The following RDH13 variants were observed in gnomAD, a reference collection of about 807,000 sequenced individuals.
RDH13 encodes retinol dehydrogenase 13 (all-trans and 9-cis).
RDH13 carries 35 observed loss-of-function variants against 28.3 expected under a neutral mutation model. The ratio of observed to expected loss-of-function variants is 1.24; its 90% CI spans 0.95 to 1.64. The LOEUF (loss-of-function observed/expected upper bound fraction) is 1.64, where lower values mean the gene tolerates loss of function less well. Ranked by LOEUF, RDH13 falls within the 40% of genes most tolerant of loss-of-function variation. The pLI is 0.00. For missense variants in RDH13, 514 were observed against 446.3 expected, an observed-to-expected ratio of 1.15 and a Z score of -1.37; for synonymous variants, 229 against 198.5, an observed-to-expected ratio of 1.15 and a Z score of -1.29.
chr19:55,042,091 A>G (rs1010654019), downstream of RDH13: 1 of 149,716 alleles, frequency 6.7e-6, no homozygotes, highest in Non-Finnish European at 1.5e-5. Context: ...TGCTTTCTGA[A>G]CGCACATCCA....
chr19:55,047,623 C>T (rs1242844198), intron 5 of RDH13, 135 bp from the exon 6 acceptor site: 5 of 1,407,598 alleles, frequency 3.6e-6, no homozygotes, highest in Non-Finnish European at 4.7e-6. Flanking sequence ...CCCTCTTGCT[C>T]TGGAATCTTA....
rs747269971 is a variant in RDH13 at position 55,048,324 on chromosome 19, C to T, written c.658+5G>A. The T allele has an allele frequency of 8.1e-6, 13 of 1,613,914 alleles. No individual in the cohort carries two copies. Among genetic ancestry groups the T allele is most frequent in the South Asian group, 2.2e-5 (2 of 91,086 alleles). ...AGAGGGAGGCCGAGCCTAGCGCCCC[C>T]GTACCTTGCAGCCGCCGGCTCAGCT... On this transcript the variant is annotated splice_donor_5th_base_variant and intron_variant, in intron 5 of 6. Transcript: ENST00000415061.
In RDH13 at chr19:55,047,502, A is replaced by T. The variant is rs2075278538; in HGVS notation, c.659-14T>A. On this transcript the variant is annotated splice_polypyrimidine_tract_variant and intron_variant, in intron 5 of 6. Transcript: ENST00000415061. The stretch of plus-strand genomic sequence containing the variant: ...TCACACCAGAGCCTGGGGAAGAAAG[A>T]AAGAGAAGACTGAGGGAGGGGTCCA... 1 of 1,599,480 alleles carries T rather than the reference A, an allele frequency of 6.3e-7. No individual in the cohort carries two copies. The highest frequency in any genetic ancestry group is 1.7e-5 in the Admixed American group (1 of 59,234).
intron 3 of RDH13, chr19:55,050,754 T>C (rs924403336): frequency 1.3e-5 from 2 of 152,108 alleles, no homozygotes; most frequent in African/African-American, 4.8e-5. Flanking sequence ...AACCTATCCT[T>C]GGGGGTGGAG....
At chr19:55,045,587 C>CA (rs2075196446) in intron 6 of RDH13, among the ~76,000 whole-genome samples, 1 of 152,212 alleles carries the variant, frequency 6.6e-6, no homozygotes, top group Non-Finnish European at 1.5e-5. Flanking sequence ...CCCCAGTCCT[C>CA]ACCCTACCCC....
rs572290524 is a variant in RDH13 at position 55,047,468 on chromosome 19, C to T, written c.679G>A (p.Ala227Thr). ...GTCCTGGCCACGCCGGGGTGCAGGG[C>T]GTTGACAGTCACACCAGAGCCTGGG... Reference protein sequence around the residue: ...RLQGSGVTVNALHPGVARTEL... With the variant: ...RLQGSGVTVNTLHPGVARTEL... The change falls in exon 6 of 7, where the codon GCC becomes ACC. Residue 227 changes from alanine (A) to threonine (T), a missense_variant. Transcript: ENST00000415061. 18 of 1,608,350 alleles carry T rather than the reference C, an allele frequency of 1.1e-5. No individual in the cohort carries two copies. Among genetic ancestry groups the T allele is most frequent in the Admixed American group, 8.3e-5 (5 of 59,904 alleles).
chr19:55,047,612 T>A, intron 5 of RDH13, 124 bp from the exon 6 acceptor site: 1 of 1,420,950 alleles, frequency 7.0e-7, no homozygotes, highest in South Asian at 1.4e-5. Flanking sequence ...AACCCCATCG[T>A]CCCTCTTGCT....
intron 5 of RDH13, among the ~76,000 whole-genome samples, chr19:55,047,811 G>A (rs903655200): frequency 2.0e-5 from 3 of 152,276 alleles, no homozygotes; most frequent in African/African-American, 7.2e-5. Flanking sequence ...TGGCACCGCT[G>A]GTCCACAGAC....
At chr19:55,048,201 C>G in intron 5 of RDH13, 128 bp downstream of exon 5, 2 of 1,542,832 alleles carry the variant, frequency 1.3e-6, no homozygotes, top group Non-Finnish European at 1.7e-6. Flanking sequence ...CAGCGTGGTC[C>G]ACATGCTCTA....
At chr19:55,047,272 G>C (rs568224939) in intron 6 of RDH13, 115 bp downstream of exon 6, 1 of 1,477,252 alleles carries the variant, frequency 6.8e-7, no homozygotes, top group Non-Finnish European at 9.0e-7. Flanking sequence ...AGACGTAGGC[G>C]AGGAGCAGGC....
chr19:55,059,632 A>C (rs911332393), intron 1 of RDH13, among the ~76,000 whole-genome samples: 2 of 152,186 alleles, frequency 1.3e-5, no homozygotes, highest in Non-Finnish European at 2.9e-5. Flanking sequence ...GTTCGAGTCC[A>C]GCCTGGCAAA....
At chr19:55,041,362 T>C (rs1287497177), downstream of RDH13, 1 of 152,274 alleles carries the variant, frequency 6.6e-6, no homozygotes, top group African/African-American at 2.4e-5. Flanking sequence ...GGGGTGCTCC[T>C]GGCATGTGGT....
At position 55,057,260 on chromosome 19, in the gene RDH13, T is replaced by C. The variant is rs371115571; in HGVS notation, c.185-452A>G. 4.9e-4 allele frequency among the ~76,000 whole-genome samples: 74 copies of C among 152,268 alleles called. 1 individual carries two copies. The highest frequency in any genetic ancestry group is 3.4e-3 in the Middle Eastern group (1 of 294). ...GTGGGGAGAGGGAATTACAGCTTGA[T>C]AGTTACAGTGAGCAGGTTTCTTTCT... On this transcript the variant is annotated intron_variant, in intron 2 of 6. Coordinates refer to ENST00000415061, the MANE Select transcript of RDH13 (RefSeq NM_001145971.2).
chr19:55,042,494 G>GA (rs960873982), downstream of RDH13: 15 of 152,306 alleles, frequency 9.8e-5, no homozygotes, highest in Admixed American at 7.2e-4. Flanking sequence ...TTTAAAAAAG[G>GA]AAAGAGTGCC....
At position 55,045,127 on chromosome 19, in the gene RDH13, G is replaced by A. The variant is rs762562862; in HGVS notation, c.943C>T (p.Arg315Cys). ...GAGGGAGCCTCTAAGCCCACCAGGC[G>A]GGCACTTTCAGCCCAAAGCCTCCGG... ...VARRLWAESA[R>C]LVGLEAPSVR... The change falls in exon 7 of 7, where the codon CGC (arginine) becomes TGC (cysteine). Residue 315 changes from arginine to cysteine, a missense_variant. Coordinates refer to ENST00000415061, the MANE Select transcript of RDH13 (RefSeq NM_001145971.2). 43 of 1,613,324 alleles carry A rather than the reference G, an allele frequency of 2.7e-5. No homozygotes were observed. The highest frequency in any genetic ancestry group is 8.8e-5 in the South Asian group (8 of 91,046).
intron 1 of RDH13, among the ~76,000 whole-genome samples, chr19:55,061,976 G>A (rs2075820602): frequency 6.6e-6 from 1 of 152,048 alleles, no homozygotes; most frequent in Admixed American, 6.5e-5. Flanking sequence ...AATTAGACAG[G>A]CGTGGTGGCA....
At chr19:55,056,484 AG>A (rs1764813221) in intron 3 of RDH13, among the ~76,000 whole-genome samples, 168 bp downstream of exon 3, 2 of 150,520 alleles carry the variant, frequency 1.3e-5, no homozygotes, top group Admixed American at 1.3e-4. Context: ...AAATAAATAA[AG>A]TCGTTGCTTG....
chr19:55,052,505 T>C (rs965069764), intron 3 of RDH13, among the ~76,000 whole-genome samples: 6 of 149,064 alleles, frequency 4.0e-5, no homozygotes, highest in African/African-American at 1.5e-4. Context: ...GATCCCGTCA[T>C]TGCACCAGCC....
At chr19:55,051,579 G>A (rs2075436258) in intron 3 of RDH13, among the ~76,000 whole-genome samples, 3 of 151,798 alleles carry the variant, frequency 2.0e-5, no homozygotes, top group Admixed American at 1.3e-4. Flanking sequence ...ACAGGTGCCC[G>A]CCACCGCACC....
Sources: allele counts gnomAD v4.1 joint callset (sites outside exome capture counted in the v4.1 genomes callset), GRCh38; gene constraint gnomAD v4.1.1; transcripts MANE v1.5; gene names NCBI Gene and HGNC (gene_info 2026-07-23, HGNC 2026-07-21).